Variants in PLCB1 observed in about 807,000 individuals in gnomAD.
The protein encoded by PLCB1 is 1-phosphatidylinositol 4,5-bisphosphate phosphodiesterase beta-1.
Under a neutral mutation model 161.8 loss-of-function variants are expected in PLCB1, and 46 were observed. The observed-to-expected ratio is 0.28, with a 90% confidence interval of 0.22 to 0.36. PLCB1 has a LOEUF of 0.36. Among genes scored for constraint, PLCB1 ranks in the 10% least tolerant of loss-of-function variants. The pLI is 1.00. For missense variants in PLCB1, 1,016 were observed against 1,472.5 expected (o/e 0.69, Z 5.07); for synonymous variants, 517 against 503.7 (o/e 1.03, Z -0.35).
chr20:8,423,890 G>A (rs545642468), intron 3 of PLCB1, among the ~76,000 whole-genome samples: 2 of 152,184 alleles, frequency 1.3e-5, no homozygotes, highest in South Asian at 4.1e-4. Flanking sequence ...AGAGTGTCTT[G>A]TATTTAATAC....
At chr20:8,545,422 G>C (rs529875881) in intron 3 of PLCB1, among the ~76,000 whole-genome samples, 1 of 152,180 alleles carries the variant, frequency 6.6e-6, no homozygotes. Context: ...CAGAAGCGTC[G>C]TATGACTCAA....
At chr20:8,849,191 T>A (rs981325850) in intron 31 of PLCB1, among the ~76,000 whole-genome samples, 2 of 152,212 alleles carry the variant, frequency 1.3e-5, no homozygotes, top group African/African-American at 4.8e-5. Flanking sequence ...TGCTTCCCAT[T>A]TTTTGACTAA....
intron 3 of PLCB1, among the ~76,000 whole-genome samples, chr20:8,462,099 T>TAC (rs896340905): frequency 1.3e-5 from 2 of 152,070 alleles, no homozygotes; most frequent in African/African-American, 2.4e-5. Context: ...TATATGTATT[T>TAC]ACACACACAC....
chr20:8,522,155 CA>C (rs1418124249), intron 3 of PLCB1, among the ~76,000 whole-genome samples: 2 of 152,180 alleles, frequency 1.3e-5, no homozygotes, highest in Non-Finnish European at 2.9e-5. Flanking sequence ...TATGAAAATT[CA>C]GTCGCCTCAC....
chr20:8,797,335 C>T (rs1315579751), intron 31 of PLCB1, among the ~76,000 whole-genome samples: 1 of 152,006 alleles, frequency 6.6e-6, no homozygotes, highest in Admixed American at 6.6e-5. Context: ...TCACTTTCCT[C>T]AGTTCTGCAA....
At chr20:8,580,529 G>A (rs1986801734) in intron 3 of PLCB1, among the ~76,000 whole-genome samples, 1 of 152,152 alleles carries the variant, frequency 6.6e-6, no homozygotes, top group Admixed American at 6.6e-5. Flanking sequence ...TGCTAAATAT[G>A]TGGGAAAAAT....
chr20:8,198,876 G>C (rs543929491), intron 2 of PLCB1, among the ~76,000 whole-genome samples: 2 of 151,912 alleles, frequency 1.3e-5, no homozygotes, highest in African/African-American at 4.8e-5. Context: ...TTTCAATAAA[G>C]CTCCACAAAT....
chr20:8,696,782 G>A, intron 10 of PLCB1, among the ~76,000 whole-genome samples: 1 of 152,034 alleles, frequency 6.6e-6, no homozygotes, highest in Admixed American at 6.6e-5. Flanking sequence ...TGCCCAGGCT[G>A]GAGTGCAATG....
chr20:8,454,068 T>C (rs1349900611), intron 3 of PLCB1, among the ~76,000 whole-genome samples: 1 of 152,154 alleles, frequency 6.6e-6, no homozygotes, highest in Non-Finnish European at 1.5e-5. Context: ...AAGGGAGGCC[T>C]CACCAGTAAC....
intron 2 of PLCB1, among the ~76,000 whole-genome samples, chr20:8,307,065 G>A (rs1269295340): frequency 6.6e-6 from 1 of 152,212 alleles, no homozygotes; most frequent in African/African-American, 2.4e-5. Context: ...GGTCTGGTGA[G>A]GGATGATGTA....
chr20:8,409,392 T>G (rs571177717), intron 3 of PLCB1, among the ~76,000 whole-genome samples: 43 of 152,192 alleles, frequency 2.8e-4, no homozygotes, highest in African/African-American at 1.0e-3. Context: ...GAATGAAATT[T>G]GACATCTCTG....
chr20:8,657,531 C>T (rs557172651), intron 8 of PLCB1, among the ~76,000 whole-genome samples: 1 of 152,000 alleles, frequency 6.6e-6, no homozygotes, highest in African/African-American at 2.4e-5. Context: ...GCTCAGATAA[C>T]TTTGTATGGT....
intron 2 of PLCB1, among the ~76,000 whole-genome samples, chr20:8,251,493 A>T (rs1171631263): frequency 1.3e-5 from 2 of 151,876 alleles, no homozygotes; most frequent in Non-Finnish European, 2.9e-5. Flanking sequence ...AAGCATGAAG[A>T]CCTGCCAGAG....
chr20:8,332,867 A>C (rs1421795897), intron 2 of PLCB1, among the ~76,000 whole-genome samples: 1 of 152,246 alleles, frequency 6.6e-6, no homozygotes, highest in Non-Finnish European at 1.5e-5. Context: ...ATACATGATT[A>C]GAATCATACT....
chr20:8,346,636 C>T (rs1017706921), intron 2 of PLCB1, among the ~76,000 whole-genome samples: 4 of 152,110 alleles, frequency 2.6e-5, no homozygotes, highest in Non-Finnish European at 5.9e-5. Flanking sequence ...AAATTCTGTT[C>T]GAGGACTCTT....
chr20:8,856,378 G>A (rs1987067805), intron 31 of PLCB1, among the ~76,000 whole-genome samples: 1 of 152,154 alleles, frequency 6.6e-6, no homozygotes, highest in South Asian at 2.1e-4. Flanking sequence ...TACTTTGGGA[G>A]GCTGAGGCTG....
At chr20:8,428,694 C>A (rs6055810) in intron 3 of PLCB1, among the ~76,000 whole-genome samples, 28,943 of 152,034 alleles carry the variant, frequency 0.19, 3,007 homozygotes, top group African/African-American at 0.26. Context: ...GAATTGTGGC[C>A]GATTGAATAG....
At chr20:8,576,446 T>C (rs998309227) in intron 3 of PLCB1, among the ~76,000 whole-genome samples, 1 of 146,798 alleles carries the variant, frequency 6.8e-6, no homozygotes. Flanking sequence ...ATCTGTCTCC[T>C]GTTCATTTTA....
chr20:8,159,358 C>G (rs553221786), intron 2 of PLCB1, among the ~76,000 whole-genome samples: 10 of 152,202 alleles, frequency 6.6e-5, no homozygotes, highest in African/African-American at 2.4e-4. Flanking sequence ...GGCACCAAGT[C>G]CCTAGGCTAC....
Sources: gnomAD v4.1 joint callset for allele counts (sites outside exome capture counted in the v4.1 genomes callset) on GRCh38, gnomAD v4.1.1 for gene constraint, MANE v1.5 for transcripts, NCBI Gene and HGNC (gene_info 2026-07-23, HGNC 2026-07-21) for gene names.